Variants in HNRNPLL observed in about 807,000 individuals in gnomAD.
The protein encoded by HNRNPLL is heterogeneous nuclear ribonucleoprotein L-like.
HNRNPLL carries 25 observed loss-of-function variants against 67.1 expected under a neutral mutation model. The observed-to-expected ratio is 0.37, with a 90% CI of 0.27 to 0.52. The LOEUF is 0.52. Ranked by LOEUF, HNRNPLL falls within the 20% of genes least tolerant of loss-of-function variation. The pLI is 0.90. For missense variants in HNRNPLL, 542 were observed against 673.9 expected (o/e 0.80, Z 2.17); for synonymous variants, 267 against 241.7 (o/e 1.10, Z -0.97).
intron 6 of HNRNPLL, among the ~76,000 whole-genome samples, chr2:38,579,616 C>T (rs1478925004): frequency 6.6e-6 from 1 of 151,860 alleles, no homozygotes; most frequent in Non-Finnish European, 1.5e-5. Flanking sequence ...CACCTATCTA[C>T]TACAGGTTCT....
chr2:38,597,933 T>C (rs1341981957), intron 1 of HNRNPLL, among the ~76,000 whole-genome samples: 2 of 152,126 alleles, frequency 1.3e-5, no homozygotes, highest in Admixed American at 6.5e-5. Flanking sequence ...GTGATCCACC[T>C]GCCTCAGCCT....
chr2:38,567,503 A>C (rs896331062), intron 12 of HNRNPLL, among the ~76,000 whole-genome samples: 2 of 152,164 alleles, frequency 1.3e-5, no homozygotes, highest in Non-Finnish European at 2.9e-5. Flanking sequence ...GAAAGCTTTA[A>C]CTTTTCATTT....
chr2:38,567,230 G>A (rs1195581886), intron 12 of HNRNPLL, among the ~76,000 whole-genome samples: 1 of 152,102 alleles, frequency 6.6e-6, no homozygotes, highest in African/African-American at 2.4e-5. Flanking sequence ...AGCCTCCCAA[G>A]TAGCTGAAAC....
chr2:38,589,109 A>G (rs936921544), intron 2 of HNRNPLL, among the ~76,000 whole-genome samples: 2 of 152,250 alleles, frequency 1.3e-5, no homozygotes, highest in Admixed American at 1.3e-4. Flanking sequence ...GAAATACAAC[A>G]TGTATTTTAA....
At chr2:38,574,392 T>G (rs1270825575) in intron 7 of HNRNPLL, among the ~76,000 whole-genome samples, 1 of 151,788 alleles carries the variant, frequency 6.6e-6, no homozygotes, top group Non-Finnish European at 1.5e-5. Context: ...ATGCTCCTAA[T>G]AATAACAGAA....
intron 7 of HNRNPLL, among the ~76,000 whole-genome samples, chr2:38,576,073 C>G (rs577064259): frequency 1.3e-5 from 2 of 151,648 alleles, no homozygotes; most frequent in Non-Finnish European, 3.0e-5. Context: ...GGGTATATAA[C>G]AGCTTTTGTT....
chr2:38,592,393 T>C (rs1032207569), intron 1 of HNRNPLL, among the ~76,000 whole-genome samples: 4 of 152,248 alleles, frequency 2.6e-5, no homozygotes, highest in Non-Finnish European at 5.9e-5. Context: ...AGTAGATTTG[T>C]ATCATCTTTT....
intron 6 of HNRNPLL, among the ~76,000 whole-genome samples, chr2:38,580,506 A>G (rs948615809): frequency 6.6e-6 from 1 of 152,226 alleles, no homozygotes; most frequent in Non-Finnish European, 1.5e-5. Context: ...TACATGCACT[A>G]TAGAGTACCC....
In HNRNPLL at chr2:38,568,391, G is replaced by A. The variant is rs1224633389; in HGVS notation, c.1469C>T (p.Ala490Val). ...AAGAGGGACTGTTCACTTACGTTTT[G>A]CATCAAACACTTTATATTTGATGAA... ...LTFIKYKVFDAKPSAKTLSGL... is the reference protein window; with the variant it reads ...LTFIKYKVFDVKPSAKTLSGL... Residue 490 changes from alanine to valine, a missense_variant, in exon 11 of 13, where the codon GCA becomes GTA. By Grantham distance (64) the Ala-to-Val change is moderately conservative. Transcript: ENST00000449105. 3.7e-6 allele frequency: 6 copies of A among 1,607,962 alleles called. No homozygotes were observed. The Admixed American group carries it at 5.0e-5, about 13-fold the overall frequency.
Position 38,562,210 on chromosome 2 carries a change from A to C in HNRNPLL, c.*1972T>G, listed in dbSNP as rs966900293. 2.0e-5 allele frequency: 3 copies of C among 152,180 alleles called. No homozygotes were observed. The highest frequency in any genetic ancestry group is 6.5e-5 in the Admixed American group (1 of 15,278). 9.4% of individuals were successfully genotyped at this position (152,180 alleles called of 1,614,324 possible). On this transcript the variant is annotated 3_prime_UTR_variant, in exon 13 of 13. Transcript: ENST00000449105. The stretch of plus-strand genomic sequence containing the variant: ...ATTAACAGCAGTCATGCCTAAGTAA[A>C]CTATCAAAAACATTAGTGACAGCAG...
intron 12 of HNRNPLL, among the ~76,000 whole-genome samples, chr2:38,565,696 T>G (rs1180403286): frequency 3.0e-5 from 4 of 134,856 alleles, no homozygotes; most frequent in Non-Finnish European, 6.1e-5. Context: ...ACCACTGCAT[T>G]CCAGGCTAGG....
At chr2:38,590,877 C>A (rs1463420313) in intron 2 of HNRNPLL, among the ~76,000 whole-genome samples, 3 of 152,050 alleles carry the variant, frequency 2.0e-5, no homozygotes, top group African/African-American at 7.3e-5. Flanking sequence ...TAGTGACATG[C>A]GTCTATAGTC....
At chr2:38,582,895 G>C (rs913511803) in intron 4 of HNRNPLL, among the ~76,000 whole-genome samples, 13 of 151,208 alleles carry the variant, frequency 8.6e-5, no homozygotes, top group African/African-American at 2.9e-4. Flanking sequence ...AAAAAATCAA[G>C]GGTACCAAAG....
At chr2:38,591,408 G>C in intron 2 of HNRNPLL, 122 bp downstream of exon 2, 1 of 682,402 alleles carries the variant, frequency 1.5e-6, no homozygotes, top group Non-Finnish European at 2.7e-6. Context: ...GCAAACAATA[G>C]ATACTACTTT....
rs921145229 is a variant in HNRNPLL, at chr2:38,602,606, G to A, written c.21C>T (p.Ser7=). 1.9e-6 allele frequency: 3 copies of A among 1,560,378 alleles called. No homozygotes were observed. Among genetic ancestry groups the A allele is most frequent in the Non-Finnish European group, 2.6e-6 (3 of 1,157,006 alleles). The change falls in exon 1 of 13, where the codon TCC becomes TCT. Residue 7 remains serine (S), a synonymous_variant. Coordinates refer to ENST00000449105, the MANE Select transcript of HNRNPLL (RefSeq NM_138394.4). The part of the protein sequence containing the change: MSSSSS[S]PRETYEEDRE... Reference sequence around the variant, plus strand: ...GGTCCTCCTCGTACGTCTCCCTGGGGGAGGAAGAGGAGGAGGACATGGCGG... The same window carrying A: ...GGTCCTCCTCGTACGTCTCCCTGGGAGAGGAAGAGGAGGAGGACATGGCGG...
At chr2:38,590,826 C>T (rs1007619687) in intron 2 of HNRNPLL, among the ~76,000 whole-genome samples, 3 of 151,992 alleles carry the variant, frequency 2.0e-5, no homozygotes, top group African/African-American at 7.2e-5. Context: ...TGTTAAGAGA[C>T]CCCTCATCTC....
intron 10 of HNRNPLL, among the ~76,000 whole-genome samples, chr2:38,568,813 T>C (rs1412481990): frequency 6.6e-6 from 1 of 152,114 alleles, no homozygotes; most frequent in Non-Finnish European, 1.5e-5. Flanking sequence ...GGGGAAACAA[T>C]ATGGATAGAG....
chr2:38,586,175 C>A (rs1478966452), intron 2 of HNRNPLL, among the ~76,000 whole-genome samples: 2 of 152,152 alleles, frequency 1.3e-5, no homozygotes, highest in African/African-American at 4.8e-5. Flanking sequence ...GTGCCCGCCA[C>A]CAGGCCCCGC....
At chr2:38,578,245 T>C in intron 6 of HNRNPLL, among the ~76,000 whole-genome samples, 1 of 152,048 alleles carries the variant, frequency 6.6e-6, no homozygotes, top group East Asian at 1.9e-4. Context: ...TACAATACTC[T>C]AAAGGATAAT....
Sources: allele counts gnomAD v4.1 joint callset (sites outside exome capture counted in the v4.1 genomes callset), GRCh38; gene constraint gnomAD v4.1.1; transcripts MANE v1.5; gene names NCBI Gene and HGNC (gene_info 2026-07-23, HGNC 2026-07-21).